PPIP5K1: variants seen among roughly 807,000 people sequenced by gnomAD.
PPIP5K1 encodes inositol hexakisphosphate and diphosphoinositol-pentakisphosphate kinase 1.
A neutral mutation model predicts 27.7 loss-of-function variants in PPIP5K1; 6 were observed. The ratio of observed to expected loss-of-function variants is 0.22; its 90% confidence interval spans 0.12 to 0.43. PPIP5K1 has a LOEUF of 0.43. PPIP5K1 is among the 20% of genes least tolerant of loss of function. The pLI is 1.00. For missense variants in PPIP5K1, 394 were observed against 635.4 expected, an observed-to-expected ratio of 0.62 and a Z score of 4.08; for synonymous variants, 145 against 242.6, an observed-to-expected ratio of 0.60 and a Z score of 3.74.
chr15:43,580,007 A>AT (rs1414875356), intron 10 of PPIP5K1, among the ~76,000 whole-genome samples: 1 of 1,090 alleles, frequency 9.2e-4, no homozygotes, highest in Non-Finnish European at 1.6e-3. Flanking sequence ...TGCCTGGCTC[A>AT]TTTTTTTTTT....
intron 30 of PPIP5K1, among the ~76,000 whole-genome samples, chr15:43,545,563 G>C (rs930267340): frequency 4.7e-5 from 7 of 147,772 alleles, no homozygotes; most frequent in Non-Finnish European, 7.4e-5. Context: ...CTCCATCCTC[G>C]AACTCCTGGG....
At chr15:43,535,994 C>A in intron 31 of PPIP5K1, 1 of 946,418 alleles carries the variant, frequency 1.1e-6, no homozygotes, top group South Asian at 1.6e-5. Context: ...TGATGTACAC[C>A]TTCTGTTAAG....
intron 30 of PPIP5K1, among the ~76,000 whole-genome samples, chr15:43,554,743 T>C (rs1335227798): frequency 6.6e-6 from 1 of 152,008 alleles, no homozygotes; most frequent in Non-Finnish European, 1.5e-5. Context: ...GTTCAAGGTA[T>C]AAGTTGGAAG....
chr15:43,552,575 C>T (rs546605361), intron 30 of PPIP5K1, among the ~76,000 whole-genome samples: 49 of 147,242 alleles, frequency 3.3e-4, no homozygotes, highest in African/African-American at 1.2e-3. Flanking sequence ...CAAAAATTAG[C>T]TGGGTGTGGT....
chr15:43,543,357 T>C (rs186693580), intron 30 of PPIP5K1, among the ~76,000 whole-genome samples: 2 of 151,906 alleles, frequency 1.3e-5, no homozygotes, highest in African/African-American at 4.8e-5. Flanking sequence ...GTGGCACATG[T>C]ATACATATGT....
chr15:43,557,257 G>C (rs2083092359), intron 30 of PPIP5K1, among the ~76,000 whole-genome samples: 1 of 152,064 alleles, frequency 6.6e-6, no homozygotes, highest in African/African-American at 2.4e-5. Context: ...GACCAGCCTG[G>C]GCAACATGGC....
At chr15:43,550,524 T>C (rs2082062865) in intron 30 of PPIP5K1, among the ~76,000 whole-genome samples, 1 of 152,210 alleles carries the variant, frequency 6.6e-6, no homozygotes, top group African/African-American at 2.4e-5. Context: ...TTGTTTTCTT[T>C]TGAGACTTCT....
At chr15:43,535,652 T>A (rs1277807170) in intron 31 of PPIP5K1, among the ~76,000 whole-genome samples, 176 bp from the exon 32 acceptor site, 1 of 152,206 alleles carries the variant, frequency 6.6e-6, no homozygotes, top group Non-Finnish European at 1.5e-5. Flanking sequence ...TCAGGAACTG[T>A]CACCCTGGCC....
intron 30 of PPIP5K1, chr15:43,548,770 T>G (rs896960438): frequency 1.4e-5 from 2 of 145,450 alleles, no homozygotes; most frequent in African/African-American, 5.0e-5. Context: ...CTCACGCCTG[T>G]AATCCCAACA....
At chr15:43,551,123 G>T (rs1259745185) in intron 30 of PPIP5K1, among the ~76,000 whole-genome samples, 1 of 152,098 alleles carries the variant, frequency 6.6e-6, no homozygotes, top group Non-Finnish European at 1.5e-5. Flanking sequence ...AATTTTTTTG[G>T]AAGAGCGTGA....
chr15:43,536,471 G>T (rs2079880413), intron 31 of PPIP5K1, among the ~76,000 whole-genome samples: 1 of 151,956 alleles, frequency 6.6e-6, no homozygotes. Context: ...GATGGCCATG[G>T]AATTTCTACA....
At chr15:43,550,791 T>G (rs1302382381) in intron 30 of PPIP5K1, among the ~76,000 whole-genome samples, 4 of 152,226 alleles carry the variant, frequency 2.6e-5, no homozygotes, top group African/African-American at 9.6e-5. Context: ...CTATTCCTAG[T>G]TTGCTGAGTG....
chr15:43,544,689 G>C (rs1006784747), intron 30 of PPIP5K1, among the ~76,000 whole-genome samples: 1 of 151,888 alleles, frequency 6.6e-6, no homozygotes, highest in Non-Finnish European at 1.5e-5. Flanking sequence ...CCAGCTATTT[G>C]GGAGGCTGAG....
At position 43,534,300 on chromosome 15, in the gene PPIP5K1, C is replaced by A. The variant is rs1271306889; in HGVS notation, c.*374G>T. 1.7e-5 allele frequency: 3 copies of A among 172,662 alleles called. No homozygotes were observed. The highest frequency in any genetic ancestry group is 7.1e-5 in the African/African-American group (3 of 42,350). The allele number at this position is 172,662 out of a possible 1,614,324, so 10.7% of individuals were successfully genotyped here. ...AGAAGGCTGGGTAATGACAGACCAA[C>A]CCACCCCAAGGAAATCCTATTCAAG... On this transcript the variant is annotated 3_prime_UTR_variant, in exon 32 of 32. Coordinates refer to ENST00000420765, the MANE Select transcript of PPIP5K1 (RefSeq NM_001394395.1).
At chr15:43,549,663 TC>T (rs2045318642) in intron 30 of PPIP5K1, among the ~76,000 whole-genome samples, 1 of 150,480 alleles carries the variant, frequency 6.6e-6, no homozygotes, top group Non-Finnish European at 1.5e-5. Flanking sequence ...AAAAAAAAAA[TC>T]TTTATACAAA....
In PPIP5K1 at chr15:43,560,444, G is replaced by A. The variant is rs1327379020; in HGVS notation, c.3387C>T (p.Arg1129=). The change falls in exon 29 of 32, where the codon CGC becomes CGT. Residue 1129 remains arginine, a synonymous_variant. Coordinates refer to ENST00000420765, the MANE Select transcript of PPIP5K1 (RefSeq NM_001394395.1). ...YHLRLFRNWL[R]SGQDDPECLY... ...GGCACTCGGGGTCATCCTGGCCTGA[G>A]CGCAGCCAGTTCCGGAAGAGGCGCA... The A allele has an allele frequency of 1.5e-6, 2 of 1,301,770 alleles. No homozygotes were observed. The highest frequency in any genetic ancestry group is 1.5e-5 in the African/African-American group (1 of 65,858). 80.6% of individuals were successfully genotyped at this position (1,301,770 alleles called of 1,614,324 possible).
At chr15:43,540,534 T>TA (rs1333462632) in intron 30 of PPIP5K1, among the ~76,000 whole-genome samples, 2 of 151,458 alleles carry the variant, frequency 1.3e-5, no homozygotes, top group Non-Finnish European at 2.9e-5. Context: ...CCGTCTCTAC[T>TA]AAAAATACAA....
intron 30 of PPIP5K1, among the ~76,000 whole-genome samples, chr15:43,551,472 G>T (rs1371545360): frequency 2.1e-5 from 3 of 144,888 alleles, no homozygotes; most frequent in Non-Finnish European, 4.5e-5. Flanking sequence ...GAGCTGAGAT[G>T]ATGCCACTGC....
intron 30 of PPIP5K1, among the ~76,000 whole-genome samples, chr15:43,541,483 G>A (rs570388294): frequency 2.6e-5 from 4 of 152,174 alleles, no homozygotes; most frequent in South Asian, 4.1e-4. Flanking sequence ...TTGGGAGGCC[G>A]AGGCGGGTAG....
Sources: gnomAD v4.1 joint callset for allele counts (sites outside exome capture counted in the v4.1 genomes callset) on GRCh38, gnomAD v4.1.1 for gene constraint, MANE v1.5 for transcripts, NCBI Gene and HGNC (gene_info 2026-07-23, HGNC 2026-07-21) for gene names.